ISY1: variants seen among roughly 807,000 people sequenced by gnomAD.
The protein encoded by ISY1 is ISY1 spliceosome associated protein.
Under a neutral mutation model 54.4 loss-of-function variants are expected in ISY1, and 12 were observed. That is an observed-to-expected ratio of 0.22 (90% CI 0.14 to 0.36). ISY1 has a LOEUF of 0.36. Among genes scored for constraint, ISY1 ranks in the 10% least tolerant of loss-of-function variants. The probability of loss-of-function intolerance (pLI) is 1.00; values close to 1 mark genes in which losing one functional copy is unlikely to be tolerated. For missense variants in ISY1, 282 were observed against 342.2 expected, an observed-to-expected ratio of 0.82 and a Z score of 1.39; for synonymous variants, 96 against 117.9, an observed-to-expected ratio of 0.81 and a Z score of 1.20.
chr3:129,153,664 T>G (rs570267786), intron 5 of ISY1, among the ~76,000 whole-genome samples: 1 of 151,876 alleles, frequency 6.6e-6, no homozygotes, highest in East Asian at 2.0e-4. Context: ...TGGGCGCCTG[T>G]AGGCCCAGCT....
intron 9 of ISY1, among the ~76,000 whole-genome samples, chr3:129,133,350 G>A (rs899138087): frequency 2.0e-5 from 3 of 152,156 alleles, no homozygotes; most frequent in African/African-American, 7.2e-5. Context: ...CCCCAACCAT[G>A]ACCCTCTAAG....
At chr3:129,144,083 T>C (rs1382348799) in intron 6 of ISY1, 2 of 380,640 alleles carry the variant, frequency 5.3e-6, no homozygotes, top group Non-Finnish European at 5.3e-6. Flanking sequence ...ACCACTTTTC[T>C]AGGTGGATTA....
chr3:129,146,823 A>T (rs1159570289), intron 5 of ISY1, among the ~76,000 whole-genome samples: 1 of 152,132 alleles, frequency 6.6e-6, no homozygotes, highest in Admixed American at 6.6e-5. Flanking sequence ...TCTGGGAAGC[A>T]GAAGTGGGTG....
intron 5 of ISY1, among the ~76,000 whole-genome samples, chr3:129,155,782 T>C (rs918314506): frequency 1.3e-5 from 2 of 151,554 alleles, no homozygotes; most frequent in African/African-American, 2.4e-5. Flanking sequence ...AATGCAATAG[T>C]GTGATCTTGG....
At chr3:129,133,965 G>A in intron 9 of ISY1, 109 bp downstream of exon 9, 8 of 1,544,796 alleles carry the variant, frequency 5.2e-6, no homozygotes, top group Non-Finnish European at 7.0e-6. Flanking sequence ...AGGTGAGCAA[G>A]CTGGGCTGTG....
At chr3:129,130,707 A>C in intron 9 of ISY1, 71 bp from the exon 10 acceptor site, 2 of 1,518,350 alleles carry the variant, frequency 1.3e-6, no homozygotes. Context: ...TCTATAAAAC[A>C]CACTACTCTG....
intron 7 of ISY1, 82 bp downstream of exon 7, chr3:129,140,286 A>C: frequency 1.6e-6 from 2 of 1,266,292 alleles, no homozygotes; most frequent in Non-Finnish European, 2.2e-6. Context: ...TAAGAAAAAA[A>C]AGTAAGAGCA....
chr3:129,135,814 T>C (rs1936379657), intron 7 of ISY1, among the ~76,000 whole-genome samples: 1 of 151,772 alleles, frequency 6.6e-6, no homozygotes, highest in African/African-American at 2.4e-5. Flanking sequence ...AAGCTTCATG[T>C]ACAGAAATAT....
In ISY1 at chr3:129,127,537, C is replaced by G. The variant is rs1387510953; in HGVS notation, c.*2544G>C. The G allele has an allele frequency of 6.6e-6, 1 of 152,322 alleles. No individual in the cohort carries two copies. Among genetic ancestry groups the G allele is most frequent in the Non-Finnish European group, 1.5e-5 (1 of 68,120 alleles). The allele number at this position is 152,322 out of a possible 1,614,324, so 9.4% of individuals were successfully genotyped here. ...CCACCCAGCCAGCTTCCCCCACCCC[C>G]AGCTGTTTCCAGGCCTGGGACTGGA... On this transcript the variant is annotated 3_prime_UTR_variant, in exon 11 of 11. Transcript: ENST00000393295.
At chr3:129,160,331 C>T (rs1479368431) in intron 1 of ISY1, among the ~76,000 whole-genome samples, 2 of 151,934 alleles carry the variant, frequency 1.3e-5, no homozygotes, top group African/African-American at 4.8e-5. Context: ...CGGTACCAAT[C>T]ATCTTTGTAC....
In ISY1 at chr3:129,156,918, T is replaced by C. The variant is rs751683404; in HGVS notation, c.81A>G (p.Glu27=). Reference sequence around the variant, plus strand: ...ATTCTGAGGCCAGAAAGGGTCTTCGTTCCTAAGGAGAAAAAAATAACACAT... The same window carrying C: ...ATTCTGAGGCCAGAAAGGGTCTTCGCTCCTAAGGAGAAAAAAATAACACAT... ...QAQLEEGKVK[E]RRPFLASECT... Residue 27 remains glutamate (E), a splice_region_variant and synonymous_variant, in exon 4 of 11, where the codon GAA becomes GAG. Coordinates refer to ENST00000393295, the MANE Select transcript of ISY1 (RefSeq NM_020701.4). 6.2e-7 allele frequency: 1 copy of C among 1,613,804 alleles called. No individual in the cohort carries two copies. Among genetic ancestry groups the C allele is most frequent in the East Asian group, 2.2e-5 (1 of 44,840 alleles).
intron 9 of ISY1, among the ~76,000 whole-genome samples, chr3:129,133,525 C>A (rs144507651): frequency 1.3e-3 from 201 of 152,288 alleles, no homozygotes; most frequent in African/African-American, 4.6e-3. Flanking sequence ...GAAACCCCGT[C>A]TCTACTAAAA....
intron 7 of ISY1, among the ~76,000 whole-genome samples, chr3:129,139,767 T>A (rs539297831): frequency 6.6e-6 from 1 of 152,218 alleles, no homozygotes; most frequent in South Asian, 2.1e-4. Flanking sequence ...CTCAGTCTCC[T>A]GAGTAGCTGG....
At chr3:129,149,487 G>A (rs1225631860) in intron 5 of ISY1, among the ~76,000 whole-genome samples, 1 of 121,108 alleles carries the variant, frequency 8.3e-6, no homozygotes, top group Admixed American at 9.0e-5. Context: ...AGCAGCTCAC[G>A]CCTGTAGTCC....
At chr3:129,134,782 A>C in intron 8 of ISY1, 50 bp downstream of exon 8, 1 of 1,555,810 alleles carries the variant, frequency 6.4e-7, no homozygotes, top group Non-Finnish European at 8.7e-7. Context: ...CAAAGGACAC[A>C]ACAGAAAACA....
Position 129,129,011 on chromosome 3 carries a change from C to T in ISY1, c.*1070G>A, listed in dbSNP as rs865918202. On this transcript the variant is annotated 3_prime_UTR_variant, in exon 11 of 11. Coordinates refer to ENST00000393295, the MANE Select transcript of ISY1 (RefSeq NM_020701.4). The stretch of plus-strand genomic sequence containing the variant: ...TGTGGCCACGGACGCCATGGTGGGT[C>T]GGCTCACTCCCACCTAGACTCCTGG... 5 of 152,272 alleles carry T rather than the reference C, an allele frequency of 3.3e-5. No homozygotes were observed. The highest frequency in any genetic ancestry group is 2.1e-4 in the South Asian group (1 of 4,832). The allele number at this position is 152,272 out of a possible 1,614,324, so 9.4% of individuals were successfully genotyped here.
intron 7 of ISY1, among the ~76,000 whole-genome samples, chr3:129,139,138 T>C (rs1936528956): frequency 6.6e-6 from 1 of 152,014 alleles, no homozygotes; most frequent in African/African-American, 2.4e-5. Context: ...GGTTTCACCA[T>C]GTTGGCCAGG....
chr3:129,140,663 T>G (rs1313319924), intron 6 of ISY1, among the ~76,000 whole-genome samples, 178 bp from the exon 7 acceptor site: 1 of 152,050 alleles, frequency 6.6e-6, no homozygotes, highest in African/African-American at 2.4e-5. Flanking sequence ...CTCCACCTCC[T>G]GGGTTCAAGT....
chr3:129,133,720 T>TA (rs1198684598), intron 9 of ISY1, among the ~76,000 whole-genome samples: 3 of 152,050 alleles, frequency 2.0e-5, no homozygotes, highest in Non-Finnish European at 4.4e-5. Flanking sequence ...ATGGGGGTGT[T>TA]AGACTACAGA....
Sources: allele counts gnomAD v4.1 joint callset (sites outside exome capture counted in the v4.1 genomes callset), GRCh38; gene constraint gnomAD v4.1.1; transcripts MANE v1.5; gene names NCBI Gene and HGNC (gene_info 2026-07-23, HGNC 2026-07-21).